The following TACR1 variants were observed in gnomAD, a reference collection of about 807,000 sequenced individuals.
TACR1 encodes tachykinin receptor 1.
Under a neutral mutation model 35.8 loss-of-function variants are expected in TACR1, and 25 were observed. The ratio of observed to expected loss-of-function variants is 0.70; its 90% CI spans 0.51 to 0.98. The LOEUF is 0.98. Ranked by LOEUF, TACR1 falls within the 50% of genes least tolerant of loss-of-function variation. The probability of loss-of-function intolerance (pLI) is 0.00; values close to 1 mark genes in which losing one functional copy is unlikely to be tolerated. For missense variants in TACR1, 478 were observed against 522.9 expected (o/e 0.91, Z 0.84); for synonymous variants, 195 against 206.7 (o/e 0.94, Z 0.48).
chr2:75,114,260 C>T (rs889724727), intron 2 of TACR1, among the ~76,000 whole-genome samples: 1 of 152,152 alleles, frequency 6.6e-6, no homozygotes, highest in African/African-American at 2.4e-5. Flanking sequence ...TAAAACTCTA[C>T]CATAAAATTA....
chr2:75,102,674 A>C (rs866917407), intron 2 of TACR1, among the ~76,000 whole-genome samples: 2 of 152,290 alleles, frequency 1.3e-5, no homozygotes, highest in Non-Finnish European at 2.9e-5. Flanking sequence ...AAGAAAAAAA[A>C]TTATTTATAT....
chr2:75,197,911 G>C (rs1332682860), intron 1 of TACR1, among the ~76,000 whole-genome samples: 1 of 152,146 alleles, frequency 6.6e-6, no homozygotes, highest in Non-Finnish European at 1.5e-5. Flanking sequence ...GCATTACAGA[G>C]TAAACTGCAT....
Position 75,198,624 on chromosome 2 carries a change from T to C in TACR1, c.311A>G (p.Tyr104Cys). ...VHNEWYYGLF[Y>C]CKFHNFFPIA... ...GGGAAAGAAGTTGTGGAACTTGCAG[T>C]AGAACAGGCCGTAGTACCATTCGTT... Residue 104 changes from tyrosine to cysteine, a missense_variant, in exon 1 of 5, where the codon TAC (tyrosine) becomes TGC (cysteine). By Grantham distance (194) the Tyr-to-Cys change is radical. Transcript: ENST00000305249. The C allele has an allele frequency of 2.5e-6, 4 of 1,614,180 alleles. No homozygotes were observed. The highest frequency in any genetic ancestry group is 3.4e-6 in the Non-Finnish European group (4 of 1,180,028).
rs1672415837 is a variant in TACR1 at position 75,049,055 on chromosome 2, G to A, written c.*377C>T. On this transcript the variant is annotated 3_prime_UTR_variant, in exon 5 of 5. Transcript: ENST00000305249. The stretch of plus-strand genomic sequence containing the variant: ...AGATAACTTTATTGAAGTAACACGG[G>A]GCTCCAGGAAAATGAGTCTTCCGGG... 5.2e-6 allele frequency: 1 copy of A among 191,540 alleles called. No individual in the cohort carries two copies. 11.9% of individuals were successfully genotyped at this position (191,540 alleles called of 1,614,324 possible). A position where few individuals can be genotyped will look rare whatever the true frequency, so the allele number is the denominator to read the frequency against.
chr2:75,184,671 T>G (rs930717787), intron 1 of TACR1, among the ~76,000 whole-genome samples: 2 of 151,564 alleles, frequency 1.3e-5, no homozygotes, highest in Admixed American at 1.3e-4. Context: ...GGGGAAATAT[T>G]GTATTTTCAT....
chr2:75,169,522 TG>T (rs1292657183), intron 1 of TACR1, among the ~76,000 whole-genome samples: 2 of 152,254 alleles, frequency 1.3e-5, no homozygotes, highest in African/African-American at 4.8e-5. Context: ...ATCAGAAGAC[TG>T]AGATCAGAAT....
At chr2:75,096,384 G>C (rs1309817644) in intron 2 of TACR1, among the ~76,000 whole-genome samples, 1 of 152,152 alleles carries the variant, frequency 6.6e-6, no homozygotes, top group Non-Finnish European at 1.5e-5. Context: ...AAATGCCCTG[G>C]TAGCATGAAA....
At chr2:75,150,055 C>T (rs1436675888) in intron 1 of TACR1, among the ~76,000 whole-genome samples, 5 of 152,090 alleles carry the variant, frequency 3.3e-5, no homozygotes, top group Non-Finnish European at 7.4e-5. Flanking sequence ...TATTGATTTG[C>T]ATATGTTGAA....
intron 1 of TACR1, among the ~76,000 whole-genome samples, chr2:75,131,456 C>T (rs1674177059): frequency 6.6e-6 from 1 of 152,074 alleles, no homozygotes; most frequent in Admixed American, 6.5e-5. Context: ...AAATAATGGA[C>T]ATTGTTGTGA....
chr2:75,181,002 T>C (rs1178796013), intron 1 of TACR1, among the ~76,000 whole-genome samples: 3 of 152,218 alleles, frequency 2.0e-5, no homozygotes, highest in Non-Finnish European at 4.4e-5. Flanking sequence ...GTCTGCCAAG[T>C]TGGTAAACTG....
At chr2:75,194,580 T>A (rs1431430496) in intron 1 of TACR1, among the ~76,000 whole-genome samples, 2 of 152,112 alleles carry the variant, frequency 1.3e-5, no homozygotes, top group Admixed American at 1.3e-4. Flanking sequence ...TGGGACAGAG[T>A]GTGTAGACAC....
At chr2:75,150,004 G>T (rs1674636116) in intron 1 of TACR1, among the ~76,000 whole-genome samples, 1 of 152,166 alleles carries the variant, frequency 6.6e-6, no homozygotes, top group African/African-American at 2.4e-5. Context: ...ATAATCATGA[G>T]TTTTTGTCAC....
Position 75,047,243 on chromosome 2 carries a change from A to G in TACR1, c.*2189T>C, listed in dbSNP as rs1198148410. The G allele has an allele frequency of 1.3e-5, 2 of 152,204 alleles. No homozygotes were observed. The highest frequency in any genetic ancestry group is 4.8e-5 in the African/African-American group (2 of 41,436). The allele number at this position is 152,204 out of a possible 1,614,324, so 9.4% of individuals were successfully genotyped here. Reference sequence around the variant, plus strand: ...GAACTCTCATTCCAGAGGCTCTCCAAAGGTCCCAGTCTTTGGCTTGACTGC... The same window carrying G: ...GAACTCTCATTCCAGAGGCTCTCCAGAGGTCCCAGTCTTTGGCTTGACTGC... On this transcript the variant is annotated 3_prime_UTR_variant, in exon 5 of 5. Transcript: ENST00000305249.
chr2:75,156,602 CAAAA>C (rs58048867), intron 1 of TACR1, among the ~76,000 whole-genome samples: 6 of 108,522 alleles, frequency 5.5e-5, no homozygotes, highest in Non-Finnish European at 7.2e-5. Context: ...GACTCCGTCT[CAAAA>C]AAAAAAAAAA....
chr2:75,176,383 C>T (rs1417142478), intron 1 of TACR1, among the ~76,000 whole-genome samples: 4 of 151,038 alleles, frequency 2.6e-5, no homozygotes, highest in Non-Finnish European at 4.4e-5. Flanking sequence ...ATTCCAGGTT[C>T]CTCTCTCGGT....
intron 1 of TACR1, among the ~76,000 whole-genome samples, chr2:75,148,972 A>G (rs1248881826): frequency 6.6e-6 from 1 of 152,326 alleles, no homozygotes; most frequent in African/African-American, 2.4e-5. Context: ...CATTTATTAG[A>G]TAGGGAATCC....
chr2:75,047,089 C>G lies in TACR1; in HGVS notation c.*2343G>C, dbSNP rs1263984249. ...CTTGCTGGCACTGTCCAAGCAGATG[C>G]TTTGCCATATTGGAAACTGCCCGGA... On this transcript the variant is annotated 3_prime_UTR_variant, in exon 5 of 5. Transcript: ENST00000305249. The G allele has an allele frequency of 6.6e-6, 1 of 152,218 alleles. No homozygotes were observed. 9.4% of individuals were successfully genotyped at this position (152,218 alleles called of 1,614,324 possible). A position where few individuals can be genotyped will look rare whatever the true frequency, so the allele number is the denominator to read the frequency against.
chr2:75,065,613 A>T (rs1398060941), intron 2 of TACR1, among the ~76,000 whole-genome samples: 1 of 149,816 alleles, frequency 6.7e-6, no homozygotes, highest in East Asian at 2.1e-4. Context: ...TGGAATGAAC[A>T]CTGGGCTGGG....
Position 75,194,024 on chromosome 2 carries a change from G to A in TACR1, c.389+4522C>T, listed in dbSNP as rs577813694. ...TAATTCAGCAACAATAATAGTAACA[G>A]TGTCTTGTGCTTGTGCTATGTGCTT... is the stretch of plus-strand genomic sequence containing the variant. On this transcript the variant is annotated intron_variant, in intron 1 of 4. Transcript: ENST00000305249. Among the ~76,000 whole-genome samples, 30 of 152,268 alleles carry A rather than the reference G, an allele frequency of 2.0e-4. 1 individual carries two copies. In the South Asian group the frequency reaches 5.2e-3, roughly 26 times the overall value.
Sources: gnomAD v4.1 joint callset for allele counts (sites outside exome capture counted in the v4.1 genomes callset) on GRCh38, gnomAD v4.1.1 for gene constraint, MANE v1.5 for transcripts, NCBI Gene and HGNC (gene_info 2026-07-23, HGNC 2026-07-21) for gene names.